The following THRB variants were observed in gnomAD, a reference collection of about 807,000 sequenced individuals.
The protein encoded by THRB is thyroid hormone receptor beta, also known as nuclear receptor subfamily 1 group A member 2.
In THRB, 12 loss-of-function variants were observed where a neutral mutation model predicts 47.8. The ratio of observed to expected loss-of-function variants is 0.25; its 90% CI spans 0.16 to 0.41. The LOEUF (loss-of-function observed/expected upper bound fraction) is 0.41. THRB is among the 10% of genes least tolerant of loss of function. THRB has a pLI of 1.00. For missense variants in THRB, 348 were observed against 589.2 expected, an observed-to-expected ratio of 0.59 and a Z score of 4.24; for synonymous variants, 218 against 212.2, an observed-to-expected ratio of 1.03 and a Z score of -0.24.
intron 3 of THRB, among the ~76,000 whole-genome samples, chr3:24,278,072 A>T (rs2054123908): frequency 6.6e-6 from 1 of 152,230 alleles, no homozygotes; most frequent in Non-Finnish European, 1.5e-5. Context: ...AGGTGGGTTA[A>T]AGAAATCCAT....
intron 1 of THRB, among the ~76,000 whole-genome samples, chr3:24,422,071 A>G (rs2069316937): frequency 6.6e-6 from 1 of 152,008 alleles, no homozygotes; most frequent in South Asian, 2.1e-4. Context: ...TCAACCAACA[A>G]TGACTATACA....
chr3:24,256,030 T>C (rs1343727799), intron 3 of THRB, among the ~76,000 whole-genome samples: 1 of 152,138 alleles, frequency 6.6e-6, no homozygotes, highest in Non-Finnish European at 1.5e-5. Flanking sequence ...TAAAGAACTC[T>C]AATATTGAAA....
At chr3:24,414,090 C>T (rs529639554) in intron 1 of THRB, among the ~76,000 whole-genome samples, 5 of 151,900 alleles carry the variant, frequency 3.3e-5, no homozygotes, top group Admixed American at 3.3e-4. Context: ...CTTGTATAAG[C>T]AAATGGAAAC....
chr3:24,441,928 A>G (rs2071567876), intron 1 of THRB, among the ~76,000 whole-genome samples: 1 of 152,184 alleles, frequency 6.6e-6, no homozygotes, highest in South Asian at 2.1e-4. Context: ...TGGAATACAG[A>G]TATCTGCAGA....
intron 4 of THRB, among the ~76,000 whole-genome samples, chr3:24,220,401 G>C (rs1050353004): frequency 6.6e-6 from 1 of 152,130 alleles, no homozygotes; most frequent in Non-Finnish European, 1.5e-5. Context: ...TGAGATGGGG[G>C]AATCACACGA....
At chr3:24,445,000 C>G (rs1220781650) in intron 1 of THRB, among the ~76,000 whole-genome samples, 2 of 152,038 alleles carry the variant, frequency 1.3e-5, no homozygotes, top group African/African-American at 4.8e-5. Flanking sequence ...GCCACCATGT[C>G]AGAAACAGGC....
Position 24,481,229 on chromosome 3 carries a change from G to GTTTTTTTTTTTTTTTT in THRB, c.-261+13407_-261+13422dup, listed in dbSNP as rs746323691. Among the ~76,000 whole-genome samples the GTTTTTTTTTTTTTTTT allele has an allele frequency of 6.1e-4, 34 of 55,366 alleles. 3 individuals are homozygous for GTTTTTTTTTTTTTTTT. Among genetic ancestry groups the GTTTTTTTTTTTTTTTT allele is most frequent in the African/African-American group, 2.2e-3 (29 of 13,074 alleles). The allele number at this position is 55,366 out of a possible 152,430, so 36.3% of individuals were successfully genotyped here. A position where few individuals can be genotyped will look rare whatever the true frequency, so the allele number is the denominator to read the frequency against. Reference sequence around the variant, plus strand: ...TATATGTGTGGATGCGTTTCTTTCTGTTTTTTTTTTTTTTTTTTTTTTTTT... The same window carrying GTTTTTTTTTTTTTTTT: ...TATATGTGTGGATGCGTTTCTTTCTGTTTTTTTTTTTTTTTTTTTTTTTTTTTTTTTTTTTTTTTTT... On this transcript the variant is annotated intron_variant, in intron 1 of 10. Transcript: ENST00000646209.
chr3:24,154,488 G>A (rs1406515606), intron 5 of THRB, among the ~76,000 whole-genome samples: 1 of 152,162 alleles, frequency 6.6e-6, no homozygotes, highest in East Asian at 1.9e-4. Flanking sequence ...AAAGAGAGGT[G>A]AAAATGAAGG....
intron 10 of THRB, among the ~76,000 whole-genome samples, 154 bp downstream of exon 10, chr3:24,127,345 T>C (rs893764525): frequency 2.0e-5 from 3 of 152,122 alleles, no homozygotes; most frequent in African/African-American, 7.2e-5. Context: ...CCCCTTTAAG[T>C]TCCCAGTCCA....
chr3:24,481,891 T>C (rs1696494600), intron 1 of THRB, among the ~76,000 whole-genome samples: 1 of 150,996 alleles, frequency 6.6e-6, no homozygotes, highest in Non-Finnish European at 1.5e-5. Context: ...GCTGGAATCC[T>C]GAGCAGGTAA....
chr3:24,362,661 G>A (rs1352484920), intron 1 of THRB, among the ~76,000 whole-genome samples: 3 of 152,130 alleles, frequency 2.0e-5, no homozygotes, highest in Admixed American at 2.0e-4. Context: ...GCAAGGCCAG[G>A]CACTTATCTG....
At chr3:24,420,381 C>T (rs947777908) in intron 1 of THRB, among the ~76,000 whole-genome samples, 1 of 151,882 alleles carries the variant, frequency 6.6e-6, no homozygotes, top group Non-Finnish European at 1.5e-5. Context: ...AATGAATGCT[C>T]TCTAATCTTC....
chr3:24,198,049 G>C (rs1473941011), intron 4 of THRB, among the ~76,000 whole-genome samples: 1 of 152,184 alleles, frequency 6.6e-6, no homozygotes, highest in African/African-American at 2.4e-5. Flanking sequence ...GCAGGCTCCT[G>C]GCTTGTGTTT....
intron 1 of THRB, among the ~76,000 whole-genome samples, chr3:24,411,834 A>G (rs2068329854): frequency 6.6e-6 from 1 of 151,800 alleles, no homozygotes; most frequent in Admixed American, 6.6e-5. Context: ...CCATATATCA[A>G]CAGTGCCAAG....
In THRB at chr3:24,366,665, G is replaced by C. The variant is rs1041623718; in HGVS notation, c.-260-29294C>G. On this transcript the variant is annotated intron_variant, in intron 1 of 10. Transcript: ENST00000646209. ...GAGAAGGAGTCTCTCTCTGTCACCA[G>C]GCTGGAGTACAGTGGCACCATCTCG... Among the ~76,000 whole-genome samples, 3 of 139,822 alleles carry C rather than the reference G, an allele frequency of 2.1e-5. No homozygotes were observed. The South Asian group carries it at 6.8e-4, about 32-fold the overall frequency. The allele number at this position is 139,822 out of a possible 152,430, so 91.7% of individuals were successfully genotyped here. A position where few individuals can be genotyped will look rare whatever the true frequency, so the allele number is the denominator to read the frequency against.
intron 3 of THRB, among the ~76,000 whole-genome samples, chr3:24,235,871 G>A (rs1316083081): frequency 6.6e-6 from 1 of 152,162 alleles, no homozygotes; most frequent in African/African-American, 2.4e-5. Flanking sequence ...TTGAAGTTGT[G>A]TTTAGGTAGC....
intron 5 of THRB, among the ~76,000 whole-genome samples, chr3:24,162,492 C>A (rs73138625): frequency 0.016 from 2,444 of 152,092 alleles, 61 homozygotes; most frequent in African/African-American, 0.056. Flanking sequence ...TTTTCATAAT[C>A]CATATGAAAA....
chr3:24,262,483 C>G (rs1028356567), intron 3 of THRB, among the ~76,000 whole-genome samples: 1 of 152,178 alleles, frequency 6.6e-6, no homozygotes, highest in Admixed American at 6.5e-5. Flanking sequence ...GTTCCCCACT[C>G]CCTCTGATTG....
At chr3:24,216,617 AAT>A (rs990230500) in intron 4 of THRB, among the ~76,000 whole-genome samples, 50 of 152,246 alleles carry the variant, frequency 3.3e-4, no homozygotes, top group African/African-American at 1.2e-3. Context: ...CAAAAAAAAA[AAT>A]ATATGAATTG....
Sources: allele counts gnomAD v4.1 joint callset (sites outside exome capture counted in the v4.1 genomes callset), GRCh38; gene constraint gnomAD v4.1.1; transcripts MANE v1.5; gene names NCBI Gene and HGNC (gene_info 2026-07-23, HGNC 2026-07-21).